Variants in MACO1 observed in about 807,000 individuals in gnomAD.
MACO1 encodes macoilin 1.
MACO1 carries 14 observed loss-of-function variants against 78.7 expected under a neutral mutation model. The ratio of observed to expected loss-of-function variants is 0.18; its 90% CI spans 0.12 to 0.28. The LOEUF (loss-of-function observed/expected upper bound fraction) is 0.28. Among genes scored for constraint, MACO1 ranks in the 10% least tolerant of loss-of-function variants. MACO1 has a pLI of 1.00. For synonymous variants in MACO1, 288 were observed against 291.6 expected (o/e 0.99, Z 0.12); for missense variants, 501 against 799.0 (o/e 0.63, Z 4.50).
intron 3 of MACO1, among the ~76,000 whole-genome samples, chr1:25,450,820 T>C (rs768195919): frequency 6.6e-6 from 1 of 152,230 alleles, no homozygotes; most frequent in African/African-American, 2.4e-5. Flanking sequence ...AGCTGCCTTT[T>C]ACACTCGTCA....
Position 25,454,399 on chromosome 1 carries a change from TG to T in MACO1, c.473+18del, listed in dbSNP as rs749238407. On this transcript the variant is annotated intron_variant, in intron 4 of 10. Transcript: ENST00000374343. The stretch of plus-strand genomic sequence containing the variant: ...TGCTCACTGGTAAGTATTACATAAA[TG>T]TATGTGTGTGTGTGTGTATATGTGT... The T allele has an allele frequency of 4.6e-5, 68 of 1,473,138 alleles. No homozygotes were observed. The highest frequency in any genetic ancestry group is 3.5e-4 in the Middle Eastern group (2 of 5,638). 91.3% of individuals were successfully genotyped at this position (1,473,138 alleles called of 1,614,324 possible).
intron 6 of MACO1, among the ~76,000 whole-genome samples, chr1:25,461,715 A>C (rs986159688): frequency 1.1e-4 from 16 of 152,206 alleles, no homozygotes; most frequent in Admixed American, 9.2e-4. Flanking sequence ...AATATGGGGA[A>C]GTATGTCAAA....
chr1:25,473,434 A>T (rs2043292197), intron 6 of MACO1, among the ~76,000 whole-genome samples: 1 of 152,212 alleles, frequency 6.6e-6, no homozygotes, highest in Admixed American at 6.5e-5. Flanking sequence ...TGTATGGATA[A>T]ATTATGAAGT....
chr1:25,490,481 G>A (rs1413473060), intron 9 of MACO1, among the ~76,000 whole-genome samples: 2 of 152,106 alleles, frequency 1.3e-5, no homozygotes, highest in Non-Finnish European at 2.9e-5. Flanking sequence ...CAACAAAATA[G>A]GCCTCATACA....
At position 25,466,439 on chromosome 1, in the gene MACO1, G is replaced by A. The variant is rs568651704; in HGVS notation, c.1154+7547G>A. ...AGTGATTCTCGTGCCTCAGCCTCTC[G>A]AGTAGCTGGGATTACAGACATGCAC... On this transcript the variant is annotated intron_variant, in intron 6 of 10. Transcript: ENST00000374343. Among the ~76,000 whole-genome samples, 8 of 152,170 alleles carry A rather than the reference G, an allele frequency of 5.3e-5. No individual in the cohort carries two copies. The East Asian group carries it at 5.8e-4, about 11-fold the overall frequency.
chr1:25,499,767 G>GT lies in MACO1; in HGVS notation c.*1305dup, dbSNP rs940633375. The GT allele has an allele frequency of 1.1e-4, 16 of 152,228 alleles. No homozygotes were observed. The highest frequency in any genetic ancestry group is 3.9e-4 in the African/African-American group (16 of 41,542). The allele number at this position is 152,228 out of a possible 1,614,324, so 9.4% of individuals were successfully genotyped here. ...AAAAATTAAGAAACCAAATAAATTGGTTTTGCTTCCTTGCCATGGATTCTG... is the reference window on the plus strand; with the variant it reads ...AAAAATTAAGAAACCAAATAAATTGGTTTTTGCTTCCTTGCCATGGATTCTG... On this transcript the variant is annotated 3_prime_UTR_variant, in exon 11 of 11. Transcript: ENST00000374343.
At chr1:25,468,593 T>C (rs1292682358) in intron 6 of MACO1, among the ~76,000 whole-genome samples, 1 of 152,238 alleles carries the variant, frequency 6.6e-6, no homozygotes, top group African/African-American at 2.4e-5. Context: ...ATACTCACTC[T>C]TTTATTCCGC....
chr1:25,489,297 A>AGG lies in MACO1; in HGVS notation c.1617+9_1617+10dup, dbSNP rs2043463695. On this transcript the variant is annotated splice_donor_region_variant and intron_variant, in intron 9 of 10. Coordinates refer to ENST00000374343, the MANE Select transcript of MACO1 (RefSeq NM_018202.6). ...AGAACTAGAACTAAAAGTCCAGGTA[A>AGG]GGGGGGAACAAAAGACTTCCCTTGT... 6.2e-7 allele frequency: 1 copy of AGG among 1,612,798 alleles called. No homozygotes were observed. Among genetic ancestry groups the AGG allele is most frequent in the African/African-American group, 1.3e-5 (1 of 74,866 alleles).
intron 1 of MACO1, 50 bp downstream of exon 1, chr1:25,431,228 C>A (rs1358786990): frequency 8.2e-6 from 12 of 1,465,106 alleles, no homozygotes; most frequent in Middle Eastern, 1.7e-4. Context: ...CGGTCCCCCT[C>A]CAGCTCCGAG....
intron 10 of MACO1, among the ~76,000 whole-genome samples, chr1:25,494,943 A>G (rs1475527013): frequency 6.6e-6 from 1 of 152,228 alleles, no homozygotes; most frequent in Non-Finnish European, 1.5e-5. Context: ...GTGAGAAGTT[A>G]GTGAAGCGCA....
In MACO1 at chr1:25,458,412, T is replaced by C. The variant is rs754460656; in HGVS notation, c.674T>C (p.Met225Thr). The C allele has an allele frequency of 1.7e-5, 27 of 1,595,812 alleles. No individual in the cohort carries two copies. Among genetic ancestry groups the C allele is most frequent in the South Asian group, 1.0e-4 (9 of 88,034 alleles). The part of the protein sequence containing the change: ...AEEAAKGLPD[M>T]DSSILIHHNG... Reference sequence around the variant, plus strand: ...GTAGCAGCCAAAGGATTACCTGATATGGATTCTTCGATCCTTATACACCAC... The same window carrying C: ...GTAGCAGCCAAAGGATTACCTGATACGGATTCTTCGATCCTTATACACCAC... The change falls in exon 6 of 11, where the codon ATG becomes ACG. Residue 225 changes from methionine (M) to threonine (T), a missense_variant. By Grantham distance (81) the Met-to-Thr change is moderately conservative (BLOSUM62 -1). Coordinates refer to ENST00000374343, the MANE Select transcript of MACO1 (RefSeq NM_018202.6).
chr1:25,431,247 C>T (rs1177078132), intron 1 of MACO1, 69 bp downstream of exon 1: 3 of 1,288,836 alleles, frequency 2.3e-6, no homozygotes, highest in Non-Finnish European at 3.2e-6. Flanking sequence ...AGGGGCCTGG[C>T]CCCGTTATGT....
intron 1 of MACO1, among the ~76,000 whole-genome samples, chr1:25,434,022 A>G (rs983563558): frequency 6.6e-6 from 1 of 152,224 alleles, no homozygotes; most frequent in Non-Finnish European, 1.5e-5. Flanking sequence ...CATGGGCTGC[A>G]GTCCAACAAC....
chr1:25,494,405 C>T (rs1167832030), intron 10 of MACO1, among the ~76,000 whole-genome samples: 1 of 152,076 alleles, frequency 6.6e-6, no homozygotes, highest in Non-Finnish European at 1.5e-5. Context: ...AAAGAAGGTG[C>T]CGGGATGTTC....
chr1:25,482,838 A>G (rs764807080), intron 6 of MACO1, among the ~76,000 whole-genome samples: 2 of 152,242 alleles, frequency 1.3e-5, no homozygotes, highest in African/African-American at 2.4e-5. Context: ...TGTACAGATT[A>G]TAGGATTAAA....
intron 6 of MACO1, among the ~76,000 whole-genome samples, chr1:25,460,822 G>A (rs61775174): frequency 0.39 from 59,719 of 151,830 alleles, 13,689 homozygotes; most frequent in East Asian, 0.73. Flanking sequence ...TCACTAATGC[G>A]TACTCTGCCT....
In MACO1 at chr1:25,499,449, T is replaced by TG. The variant is rs886428040; in HGVS notation, c.*983_*984insG. The TG allele has an allele frequency of 2.0e-5, 3 of 152,070 alleles. No homozygotes were observed. Among genetic ancestry groups the TG allele is most frequent in the South Asian group, 2.1e-4 (1 of 4,810 alleles). 9.4% of individuals were successfully genotyped at this position (152,070 alleles called of 1,614,324 possible). A position where few individuals can be genotyped will look rare whatever the true frequency, so the allele number is the denominator to read the frequency against. On this transcript the variant is annotated 3_prime_UTR_variant, in exon 11 of 11. Transcript: ENST00000374343. Reference sequence around the variant, plus strand: ...AAAGCTGCGGGTCTAGGTTTTTTTTTTTTTGTTTTGTTTTTTCATTTCATT... The same window carrying TG: ...AAAGCTGCGGGTCTAGGTTTTTTTTTGTTTTGTTTTGTTTTTTCATTTCATT...
chr1:25,435,602 A>G (rs888942567), intron 1 of MACO1, among the ~76,000 whole-genome samples: 1 of 152,158 alleles, frequency 6.6e-6, no homozygotes, highest in Non-Finnish European at 1.5e-5. Flanking sequence ...GCAGGCTGTC[A>G]TGACCCTTGG....
intron 10 of MACO1, among the ~76,000 whole-genome samples, chr1:25,492,005 T>G (rs1050786547): frequency 3.3e-5 from 5 of 151,528 alleles, no homozygotes; most frequent in African/African-American, 9.7e-5. Flanking sequence ...TGATGAGGAG[T>G]TGGCCCAGTG....
Sources: gnomAD v4.1 joint callset for allele counts (sites outside exome capture counted in the v4.1 genomes callset) on GRCh38, gnomAD v4.1.1 for gene constraint, MANE v1.5 for transcripts, NCBI Gene and HGNC (gene_info 2026-07-23, HGNC 2026-07-21) for gene names.